FAM107B: variants seen among roughly 807,000 people sequenced by gnomAD.
FAM107B encodes family with sequence similarity 107 member B.
In FAM107B, 21 loss-of-function variants were observed where a neutral mutation model predicts 31.5. The observed-to-expected ratio is 0.67, with a 90% CI of 0.47 to 0.96. FAM107B has a LOEUF of 0.96. Among genes scored for constraint, FAM107B ranks in the 40% least tolerant of loss-of-function variants. The pLI, the probability that FAM107B is intolerant of heterozygous loss-of-function variation, is 0.00. For synonymous variants in FAM107B, 157 were observed against 141.5 expected, an observed-to-expected ratio of 1.11 and a Z score of -0.78; for missense variants, 452 against 377.1, an observed-to-expected ratio of 1.20 and a Z score of -1.64.
In FAM107B at chr10:14,530,170, G is replaced by A. The variant is rs75386741; in HGVS notation, c.653+162C>T. 737 of 761,940 alleles carry A rather than the reference G, an allele frequency of 9.7e-4. 2 individuals are homozygous for A. In the African/African-American group the frequency reaches 0.01, roughly 11 times the overall value. The allele number at this position is 761,940 out of a possible 1,614,324, so 47.2% of individuals were successfully genotyped here. A position where few individuals can be genotyped will look rare whatever the true frequency, so the allele number is the denominator to read the frequency against. On this transcript the variant is annotated intron_variant, in intron 3 of 4. Transcript: ENST00000181796. Reference sequence around the variant, plus strand: ...GCCACCTGCAGGGGATCTGCCTCACGGAGGGGTAACCCGGTTCTAGGATGT... The same window carrying A: ...GCCACCTGCAGGGGATCTGCCTCACAGAGGGGTAACCCGGTTCTAGGATGT...
chr10:14,680,573 CAAA>C (rs35826993), intron 1 of FAM107B, among the ~76,000 whole-genome samples: 6 of 133,980 alleles, frequency 4.5e-5, no homozygotes, highest in African/African-American at 1.4e-4. Context: ...GACTCTGTCT[CAAA>C]AAAAAAAAAA....
intron 1 of FAM107B, chr10:14,723,385 C>T (rs1203726712): frequency 1.6e-5 from 9 of 549,768 alleles, no homozygotes; most frequent in Non-Finnish European, 3.2e-5. Context: ...GAAATTCCTC[C>T]TTGGTCACAG....
chr10:14,726,055 G>A (rs980017897), intron 1 of FAM107B, among the ~76,000 whole-genome samples: 6 of 150,274 alleles, frequency 4.0e-5, no homozygotes, highest in Non-Finnish European at 7.4e-5. Flanking sequence ...ATGCAATGGC[G>A]CGATCTCAGC....
At position 14,714,904 on chromosome 10, in the gene FAM107B, T is replaced by C. The variant is rs182316375; in HGVS notation, c.412-47213A>G. ...ACATTTACATATATATAGCCAGGTT[T>C]ATCCTCAAGGCAGGAGACTAGAGGA... On this transcript the variant is annotated intron_variant, in intron 1 of 4. Transcript: ENST00000181796. 1.5e-3 allele frequency among the ~76,000 whole-genome samples: 225 copies of C among 152,318 alleles called. No individual in the cohort carries two copies. The Middle Eastern group carries it at 0.027, about 18-fold the overall frequency.
intron 2 of FAM107B, among the ~76,000 whole-genome samples, chr10:14,589,978 G>A (rs1053813954): frequency 1.3e-5 from 2 of 152,120 alleles, no homozygotes; most frequent in Non-Finnish European, 2.9e-5. Context: ...TTGTCATGAG[G>A]ATCCAAAAAT....
chr10:14,603,774 C>A (rs1588652414), intron 2 of FAM107B, among the ~76,000 whole-genome samples: 1 of 152,076 alleles, frequency 6.6e-6, no homozygotes, highest in Non-Finnish European at 1.5e-5. Context: ...CGGCGCGGGG[C>A]AAACCTCCCC....
chr10:14,692,852 GAAT>G (rs1044908243), intron 1 of FAM107B, among the ~76,000 whole-genome samples: 22 of 152,298 alleles, frequency 1.4e-4, no homozygotes, highest in African/African-American at 5.1e-4. Context: ...TGCCACGTGA[GAAT>G]AAAATATGTG....
At chr10:14,739,771 G>T (rs1191411927) in intron 1 of FAM107B, among the ~76,000 whole-genome samples, 2 of 152,208 alleles carry the variant, frequency 1.3e-5, no homozygotes, top group African/African-American at 4.8e-5. Context: ...TTGTGGGCAT[G>T]TATTCCTAAA....
At chr10:14,531,714 G>A (rs555403495) in intron 2 of FAM107B, among the ~76,000 whole-genome samples, 1 of 152,082 alleles carries the variant, frequency 6.6e-6, no homozygotes, top group East Asian at 1.9e-4. Context: ...TGGTGGCGTA[G>A]TCCCAGCTAC....
intron 2 of FAM107B, among the ~76,000 whole-genome samples, chr10:14,604,751 C>T (rs1470561677): frequency 7.2e-6 from 1 of 139,274 alleles, no homozygotes; most frequent in Non-Finnish European, 1.6e-5. Context: ...CGCTCTCTCC[C>T]TCTACCTCTC....
chr10:14,668,031 TTTTTTTG>T (rs1805318856), intron 1 of FAM107B, among the ~76,000 whole-genome samples: 1 of 151,544 alleles, frequency 6.6e-6, no homozygotes, highest in South Asian at 2.1e-4. Flanking sequence ...GTGACGGGGT[TTTTTTTG>T]TTTTTTGTTT....
At chr10:14,733,467 C>G (rs1856221311) in intron 1 of FAM107B, among the ~76,000 whole-genome samples, 1 of 152,060 alleles carries the variant, frequency 6.6e-6, no homozygotes, top group Non-Finnish European at 1.5e-5. Flanking sequence ...CTTGTTTTAC[C>G]CATGATGATA....
intron 2 of FAM107B, among the ~76,000 whole-genome samples, chr10:14,606,933 C>G (rs1196376970): frequency 6.6e-6 from 1 of 152,176 alleles, no homozygotes; most frequent in East Asian, 1.9e-4. Context: ...TTACAGCAGC[C>G]CCATCAGATG....
intron 1 of FAM107B, among the ~76,000 whole-genome samples, chr10:14,697,271 C>T (rs1371320071): frequency 1.3e-5 from 2 of 152,204 alleles, no homozygotes; most frequent in Admixed American, 6.5e-5. Flanking sequence ...CTCCTCCTCT[C>T]CTGAGACCCC....
At chr10:14,536,335 C>T (rs919384184) in intron 2 of FAM107B, among the ~76,000 whole-genome samples, 6 of 152,330 alleles carry the variant, frequency 3.9e-5, no homozygotes, top group Admixed American at 6.5e-5. Flanking sequence ...ACTGCTAAAA[C>T]GTCTGGAAAG....
intron 2 of FAM107B, chr10:14,534,917 G>A (rs916975891): frequency 1.3e-5 from 2 of 152,170 alleles, no homozygotes; most frequent in African/African-American, 2.4e-5. Context: ...ATGGGCTAAC[G>A]ACAGAGGGTG....
rs1343335413 is a variant in FAM107B, at chr10:14,774,396, T to C, written c.268A>G (p.Asn90Asp). 25 of 1,614,230 alleles carry C rather than the reference T, an allele frequency of 1.5e-5. No homozygotes were observed. The highest frequency in any genetic ancestry group is 2.0e-5 in the Non-Finnish European group (24 of 1,180,038). The change falls in exon 1 of 5, where the codon AAT becomes GAT. Residue 90 changes from asparagine to aspartate, a missense_variant. Transcript: ENST00000181796. ...STHAERNGSANRNSSHRTAAQ... is the reference protein window; with the variant it reads ...STHAERNGSADRNSSHRTAAQ... ...GCAGTGCGGTGACTTGAATTCCGATTCGCACTGCCATTTCTCTCTGCATGG... is the reference window on the plus strand; with the variant it reads ...GCAGTGCGGTGACTTGAATTCCGATCCGCACTGCCATTTCTCTCTGCATGG...
At chr10:14,635,977 T>A (rs1853488420) in intron 2 of FAM107B, among the ~76,000 whole-genome samples, 1 of 152,154 alleles carries the variant, frequency 6.6e-6, no homozygotes, top group African/African-American at 2.4e-5. Flanking sequence ...ATAGCTCCTG[T>A]GGAGCCAGGT....
chr10:14,578,382 T>C (rs1315345915), intron 2 of FAM107B, among the ~76,000 whole-genome samples: 1 of 152,206 alleles, frequency 6.6e-6, no homozygotes, highest in East Asian at 1.9e-4. Flanking sequence ...TCCTCAACGT[T>C]AGAAATATAG....
Sources: gnomAD v4.1 joint callset for allele counts (sites outside exome capture counted in the v4.1 genomes callset) on GRCh38, gnomAD v4.1.1 for gene constraint, MANE v1.5 for transcripts, NCBI Gene and HGNC (gene_info 2026-07-23, HGNC 2026-07-21) for gene names.